MYO9B: variants seen among roughly 807,000 people sequenced by gnomAD.
The protein encoded by MYO9B is unconventional myosin-IXb.
MYO9B carries 71 observed loss-of-function variants against 229.5 expected under a neutral mutation model. The ratio of observed to expected loss-of-function variants is 0.31; its 90% confidence interval spans 0.26 to 0.38. The LOEUF (loss-of-function observed/expected upper bound fraction) is 0.38, where lower values mean the gene tolerates loss of function less well. Among genes scored for constraint, MYO9B ranks in the 10% least tolerant of loss-of-function variants. The probability of loss-of-function intolerance (pLI) is 1.00; values close to 1 mark genes in which losing one functional copy is unlikely to be tolerated. For synonymous variants in MYO9B, 1,185 were observed against 1,235.8 expected, an observed-to-expected ratio of 0.96 and a Z score of 0.86; for missense variants, 2,255 against 2,920.5, an observed-to-expected ratio of 0.77 and a Z score of 5.25.
chr19:17,212,068 TCCCA>T lies in MYO9B; in HGVS notation c.6235_6238del (p.His2079CysfsTer48), dbSNP rs775002645. 2.5e-6 allele frequency: 4 copies of T among 1,599,396 alleles called. No individual in the cohort carries two copies. On this transcript the variant is annotated frameshift_variant, in exon 40 of 40. Coordinates refer to ENST00000682292, the MANE Select transcript of MYO9B (RefSeq NM_004145.4). LOFTEE classifies it low-confidence loss of function (END_TRUNC). The surrounding 1 kb of genome is among the most constrained non-coding windows in gnomAD (Gnocchi z 5.4). ...CATCAAGCTCCCACCAGGCCTGCCC[TCCCA>T]CCTGCCTCGCTGGGCACCGGGTGCC...
chr19:17,183,986 C>A, intron 16 of MYO9B, 118 bp downstream of exon 16: 1 of 1,016,814 alleles, frequency 9.8e-7, no homozygotes, highest in Non-Finnish European at 1.4e-6. Flanking sequence ...TCTCCCCCTC[C>A]CTCCAAGAAA....
chr19:17,084,557 C>G (rs2057564051), intron 1 of MYO9B, among the ~76,000 whole-genome samples: 1 of 151,738 alleles, frequency 6.6e-6, no homozygotes, highest in South Asian at 2.1e-4. Context: ...TCCTCCCTGT[C>G]CCAACAACCC....
In MYO9B at chr19:17,200,834, G is replaced by A. The variant is rs778174016; in HGVS notation, c.4563+5G>A. 24 of 1,612,676 alleles carry A rather than the reference G, an allele frequency of 1.5e-5. No individual in the cohort carries two copies. In the African/African-American group the frequency reaches 3.1e-4, roughly 21 times the overall value. On this transcript the variant is annotated splice_donor_5th_base_variant and intron_variant, in intron 26 of 39. Coordinates refer to ENST00000682292, the MANE Select transcript of MYO9B (RefSeq NM_004145.4). ...GACGAGTTCCTGCTCAACAAGGTGGGATCACTAGGCGAGGGCCAGGGGCAT... is the reference window on the plus strand; with the variant it reads ...GACGAGTTCCTGCTCAACAAGGTGGAATCACTAGGCGAGGGCCAGGGGCAT...
chr19:17,100,825 G>A (rs557041247), intron 1 of MYO9B, among the ~76,000 whole-genome samples: 16 of 152,062 alleles, frequency 1.1e-4, no homozygotes, highest in South Asian at 4.2e-4. Context: ...TGGCTCTCCC[G>A]GACTTCATCT....
At chr19:17,081,324 GCCTCAACTTACATTTTTAGA>G (rs2057532129) in intron 1 of MYO9B, among the ~76,000 whole-genome samples, 1 of 152,308 alleles carries the variant, frequency 6.6e-6, no homozygotes, top group Admixed American at 6.5e-5. Context: ...ACCGTGCCCG[GCCTCAACTTACATTTTTAGA>G]TAATATAGGA....
At position 17,172,540 on chromosome 19, in the gene MYO9B, C is replaced by T; in HGVS notation, c.1935+63C>T. 1 of 1,591,270 alleles carries T rather than the reference C, an allele frequency of 6.3e-7. No individual in the cohort carries two copies. Among genetic ancestry groups the T allele is most frequent in the Non-Finnish European group, 8.6e-7 (1 of 1,168,338 alleles). ...GGAAGCCACAGTCAGCCCAGAAGCC[C>T]ATGTGGGAGGATCCTCCTGTGGGCG... On this transcript the variant is annotated intron_variant, in intron 12 of 39. Coordinates refer to ENST00000682292, the MANE Select transcript of MYO9B (RefSeq NM_004145.4). The surrounding 1 kb of genome is among the most constrained non-coding windows in gnomAD (Gnocchi z 8.2).
chr19:17,122,180 G>A (rs2057972345), intron 2 of MYO9B, among the ~76,000 whole-genome samples: 1 of 152,196 alleles, frequency 6.6e-6, no homozygotes, highest in Non-Finnish European at 1.5e-5. Context: ...TACGGTGCAA[G>A]CTGGTTGCAA....
At position 17,197,827 on chromosome 19, in the gene MYO9B, C is replaced by T. The variant is rs776354844; in HGVS notation, c.4082C>T (p.Ser1361Phe). ...RRTSFSTSDV[S>F]KLLPSLAKAQ... ...ACCTCCTTCTCCACGAGCGACGTCT[C>T]CAAGCTCCTCCCGTCCCTGGCCAAG... Residue 1361 changes from serine (S) to phenylalanine (F), a missense_variant, in exon 23 of 40, where the codon TCC becomes TTC. Transcript: ENST00000682292. The T allele has an allele frequency of 6.2e-7, 1 of 1,613,664 alleles. No individual in the cohort carries two copies. The highest frequency in any genetic ancestry group is 8.5e-7 in the Non-Finnish European group (1 of 1,179,868).
chr19:17,148,381 A>G (rs1039865487), intron 3 of MYO9B, among the ~76,000 whole-genome samples: 14 of 152,274 alleles, frequency 9.2e-5, no homozygotes, highest in African/African-American at 3.1e-4. Context: ...GACAAACCGT[A>G]TGGCTGAAGC....
chr19:17,152,743 C>T (rs371216127), intron 4 of MYO9B, 37 bp downstream of exon 4: 19 of 1,552,630 alleles, frequency 1.2e-5, no homozygotes, highest in African/African-American at 6.8e-5. Flanking sequence ...CTGAATGCCA[C>T]GCCATGTCTA....
chr19:17,196,034 A>AT (rs2073038505), intron 22 of MYO9B, among the ~76,000 whole-genome samples: 1 of 151,744 alleles, frequency 6.6e-6, no homozygotes, highest in Non-Finnish European at 1.5e-5. Context: ...CCTGTGTATC[A>AT]TAAGATGTTG....
intron 16 of MYO9B, 71 bp from the exon 17 acceptor site, chr19:17,184,794 A>T: frequency 6.3e-7 from 1 of 1,599,038 alleles, no homozygotes; most frequent in Middle Eastern, 1.7e-4. Context: ...GGCTTCGGGG[A>T]CACCTGTGAT....
In MYO9B at chr19:17,183,877, A is replaced by G. The variant is rs763522980; in HGVS notation, c.2373+9A>G. 4.5e-6 allele frequency: 7 copies of G among 1,568,882 alleles called. No individual in the cohort carries two copies. Among genetic ancestry groups the G allele is most frequent in the Non-Finnish European group, 6.0e-6 (7 of 1,162,196 alleles). ...AGCAGATCATTCCAAAGGTAAAAAA[A>G]AAAACACACCCCGCGCGACACGTTC... On this transcript the variant is annotated intron_variant, in intron 16 of 39. Transcript: ENST00000682292.
At chr19:17,142,116 T>G (rs2072347924) in intron 2 of MYO9B, among the ~76,000 whole-genome samples, 1 of 151,306 alleles carries the variant, frequency 6.6e-6, no homozygotes, top group South Asian at 2.1e-4. Flanking sequence ...AGGTCGAGGC[T>G]TGCAGTGAGC....
At position 17,206,326 on chromosome 19, in the gene MYO9B, C is replaced by T; in HGVS notation, c.5336C>T (p.Pro1779Leu). The change falls in exon 33 of 40, where the codon CCC becomes CTC. Residue 1779 changes from proline (P) to leucine (L), a missense_variant. Transcript: ENST00000682292. ...CTGAAGCAGTGGCTGCGGGAGCTGC[C>T]CGAGCCCCTCATGACCTTCGCACAG... ...GVLKQWLREL[P>L]EPLMTFAQYG... 6.2e-7 allele frequency: 1 copy of T among 1,608,688 alleles called. No homozygotes were observed.
intron 2 of MYO9B, among the ~76,000 whole-genome samples, chr19:17,104,573 A>T (rs544984638): frequency 6.6e-6 from 1 of 152,158 alleles, no homozygotes; most frequent in East Asian, 1.9e-4. Flanking sequence ...TGGGTGTGGG[A>T]TCTGCCTTTT....
chr19:17,191,944 G>A (rs1463866618), intron 20 of MYO9B, among the ~76,000 whole-genome samples: 2 of 143,232 alleles, frequency 1.4e-5, no homozygotes, highest in African/African-American at 5.4e-5. Context: ...GTGACCGAGC[G>A]AGATCTCATT....
intron 10 of MYO9B, 137 bp downstream of exon 10, chr19:17,163,259 G>A (rs571512846): frequency 2.2e-5 from 21 of 952,418 alleles, no homozygotes; most frequent in Middle Eastern, 3.1e-4. Flanking sequence ...TTATGCAAAC[G>A]CCACCACCAT....
intron 16 of MYO9B, 43 bp from the exon 17 acceptor site, chr19:17,184,822 T>A: frequency 6.2e-7 from 1 of 1,611,766 alleles, no homozygotes; most frequent in Non-Finnish European, 8.5e-7. Flanking sequence ...CGTGCCCGTG[T>A]GGGCTGTGGG....
Sources: gnomAD v4.1 joint callset for allele counts (sites outside exome capture counted in the v4.1 genomes callset) on GRCh38, gnomAD v4.1.1 for gene constraint, Gnocchi (gnomAD v3.1) non-coding constraint, MANE v1.5 for transcripts, NCBI Gene and HGNC (gene_info 2026-07-23, HGNC 2026-07-21) for gene names.